Variants in ARPC1B observed in about 807,000 individuals in gnomAD.
ARPC1B encodes actin-related protein 2/3 complex subunit 1B.
A neutral mutation model predicts 46.0 loss-of-function variants in ARPC1B; 29 were observed. The ratio of observed to expected loss-of-function variants is 0.63; its 90% CI spans 0.47 to 0.86. The LOEUF is 0.86. ARPC1B is among the 40% of genes least tolerant of loss of function. The pLI is 0.00. For synonymous variants in ARPC1B, 201 were observed against 213.9 expected (o/e 0.94, Z 0.53); for missense variants, 469 against 529.4 (o/e 0.89, Z 1.12).
intron 2 of ARPC1B, 30 bp downstream of exon 2, chr7:99,385,808 C>T (rs1159079619): frequency 6.3e-7 from 1 of 1,591,022 alleles, no homozygotes. Context: ...CGGTGGGTGG[C>T]TGCTTCCACC....
At chr7:99,382,648 A>G (rs1794263018) in intron 1 of ARPC1B, among the ~76,000 whole-genome samples, 1 of 151,744 alleles carries the variant, frequency 6.6e-6, no homozygotes, top group South Asian at 2.1e-4. Context: ...TTTTATTTAA[A>G]TTTTTTGTAG....
upstream of ARPC1B, chr7:99,374,650 C>A (rs1007362913): frequency 6.6e-6 from 1 of 152,098 alleles, no homozygotes; most frequent in African/African-American, 2.4e-5. This position sits in a 1 kb window ranked among gnomAD's most constrained non-coding sequence, Gnocchi z 5.0. Context: ...AGGTCCCCGC[C>A]CCCGGGCCCT....
intron 1 of ARPC1B, among the ~76,000 whole-genome samples, chr7:99,380,380 AAG>A (rs1469985146): frequency 6.6e-6 from 1 of 151,648 alleles, no homozygotes; most frequent in Non-Finnish European, 1.5e-5. Flanking sequence ...GTTATGGAAA[AAG>A]GGAAATGAGT....
intron 1 of ARPC1B, among the ~76,000 whole-genome samples, chr7:99,384,954 ATTTTTTTTT>A (rs753952597): frequency 1.2e-4 from 8 of 67,418 alleles, no homozygotes; most frequent in African/African-American, 6.0e-4. Context: ...CACCTGGCTA[ATTTTTTTTT>A]TTTTTTTTTT....
At position 99,374,975 on chromosome 7, in the gene ARPC1B, G is replaced by A. The variant is rs1223084975; in HGVS notation, c.-14+194G>A. ...CGCCGCCCAATAGGGGCACGGGGAT[G>A]AGTGGGGGCACATGGAGAGGAGGGG... On this transcript the variant is annotated intron_variant, in intron 1 of 9. Transcript: ENST00000646101. This position sits in a 1 kb window ranked among gnomAD's most constrained non-coding sequence, Gnocchi z 5.0. 1.3e-5 allele frequency among the ~76,000 whole-genome samples: 2 copies of A among 150,276 alleles called. No homozygotes were observed.
intron 1 of ARPC1B, among the ~76,000 whole-genome samples, chr7:99,380,989 G>A (rs935017270): frequency 1.2e-4 from 19 of 152,098 alleles, no homozygotes; most frequent in South Asian, 6.2e-4. Flanking sequence ...GTGTAGATGA[G>A]CACCGTGAAT....
At chr7:99,384,998 C>T (rs1214321195) in intron 1 of ARPC1B, among the ~76,000 whole-genome samples, 1 of 120,614 alleles carries the variant, frequency 8.3e-6, no homozygotes, top group Non-Finnish European at 1.6e-5. Flanking sequence ...CGGAGTCTCA[C>T]TCTGTCGCCC....
intron 3 of ARPC1B, among the ~76,000 whole-genome samples, chr7:99,387,134 T>C (rs985205368): frequency 2.6e-5 from 4 of 152,212 alleles, no homozygotes; most frequent in African/African-American, 7.2e-5. Context: ...AAATAAGCAC[T>C]GGATCTCAGT....
chr7:99,380,319 G>A, intron 1 of ARPC1B, among the ~76,000 whole-genome samples: 1 of 151,268 alleles, frequency 6.6e-6, no homozygotes, highest in East Asian at 1.9e-4. Context: ...TAAGATGTGG[G>A]GGTTGGGGAG....
chr7:99,394,127 T>C lies in ARPC1B; in HGVS notation c.1080+8T>C, dbSNP rs1006059949. The stretch of plus-strand genomic sequence containing the variant: ...AGTATCTGGGATGTGAAGGTGAGGC[T>C]TGCCCCTCCTGGCTTCCCGCCATGC... On this transcript the variant is annotated splice_region_variant and intron_variant, in intron 9 of 9. Transcript: ENST00000646101. The C allele has an allele frequency of 2.5e-6, 4 of 1,612,702 alleles. No homozygotes were observed. Among genetic ancestry groups the C allele is most frequent in the African/African-American group, 1.3e-5 (1 of 74,930 alleles).
At chr7:99,393,062 G>C (rs1794625210) in intron 8 of ARPC1B, among the ~76,000 whole-genome samples, 186 bp downstream of exon 8, 1 of 152,012 alleles carries the variant, frequency 6.6e-6, no homozygotes, top group Non-Finnish European at 1.5e-5. Context: ...GATGAGCGGC[G>C]GGCCCGGACA....
At chr7:99,389,814 G>A (rs1010357696) in intron 4 of ARPC1B, 91 bp from the exon 5 acceptor site, 65 of 1,074,878 alleles carry the variant, frequency 6.0e-5, no homozygotes, top group Middle Eastern at 2.9e-4. Context: ...GGGCTGCAGG[G>A]AGCAGTGGGA....
Position 99,392,840 on chromosome 7 carries a change from G to T in ARPC1B, c.953G>T (p.Gly318Val), listed in dbSNP as rs1056388579. Reference sequence around the variant, plus strand: ...AGCTCCGAGGGTGGCACGGCTGCGGGCGCGGGCCTAGACTCGCTGCACAAG... The same window carrying T: ...AGCTCCGAGGGTGGCACGGCTGCGGTCGCGGGCCTAGACTCGCTGCACAAG... ...KASSEGGTAA[G>V]AGLDSLHKNS... The change falls in exon 8 of 10, where the codon GGC becomes GTC. Residue 318 changes from glycine (G) to valine (V), a missense_variant. Coordinates refer to ENST00000646101, the MANE Select transcript of ARPC1B (RefSeq NM_005720.4). 1.3e-6 allele frequency: 2 copies of T among 1,549,934 alleles called. No homozygotes were observed. The highest frequency in any genetic ancestry group is 3.9e-5 in the Admixed American group (2 of 51,022).
chr7:99,393,343 A>G (rs1357267971), intron 8 of ARPC1B, among the ~76,000 whole-genome samples: 1 of 152,148 alleles, frequency 6.6e-6, no homozygotes, highest in African/African-American at 2.4e-5. Context: ...GGGGCTGAGC[A>G]GCTAGCCTCG....
intron 7 of ARPC1B, 130 bp downstream of exon 7, chr7:99,391,383 C>A: frequency 1.0e-6 from 1 of 957,276 alleles, no homozygotes; most frequent in Non-Finnish European, 1.6e-6. Context: ...TCTCATGTAC[C>A]AGAATTGGGC....
chr7:99,394,536 G>A lies in ARPC1B; in HGVS notation c.*47G>A. ...TCATCCTAGCTGCTGGGGAAGCGGG[G>A]AGAGGGGTCAGGGAGGCTAATGGTT... On this transcript the variant is annotated 3_prime_UTR_variant, in exon 10 of 10. Transcript: ENST00000646101. 6.2e-7 allele frequency: 1 copy of A among 1,613,808 alleles called. No homozygotes were observed. The highest frequency in any genetic ancestry group is 1.1e-5 in the South Asian group (1 of 91,072).
intron 5 of ARPC1B, among the ~76,000 whole-genome samples, chr7:99,390,347 C>T (rs1442310927): frequency 6.6e-6 from 1 of 151,838 alleles, no homozygotes; most frequent in Non-Finnish European, 1.5e-5. Flanking sequence ...CCAAGCAAGA[C>T]TACCACGCCC....
Position 99,386,782 on chromosome 7 carries a change from G to A in ARPC1B, c.162G>A (p.Gln54=). Residue 54 remains glutamine, a synonymous_variant, in exon 3 of 10, where the codon CAG becomes CAA. Coordinates refer to ENST00000646101, the MANE Select transcript of ARPC1B (RefSeq NM_005720.4). ...KVHELKEHNG[Q]VTGIDWAPES... ...ACGAGCTCAAGGAGCACAACGGGCA[G>A]GTGACAGGTATGTCAGGGTGGCTGG... The A allele has an allele frequency of 6.2e-7, 1 of 1,613,462 alleles. No homozygotes were observed. Among genetic ancestry groups the A allele is most frequent in the Non-Finnish European group, 8.5e-7 (1 of 1,179,598 alleles).
At chr7:99,385,590 TGA>T in intron 1 of ARPC1B, 110 bp from the exon 2 acceptor site, 1 of 915,834 alleles carries the variant, frequency 1.1e-6, no homozygotes, top group Non-Finnish European at 1.7e-6. Flanking sequence ...CCCTCTAAAC[TGA>T]GGGGCCTCCC....
Sources: allele counts gnomAD v4.1 joint callset (sites outside exome capture counted in the v4.1 genomes callset), GRCh38; gene constraint gnomAD v4.1.1; non-coding constraint Gnocchi (gnomAD v3.1); transcripts MANE v1.5; gene names NCBI Gene and HGNC (gene_info 2026-07-23, HGNC 2026-07-21).